Variants in CPA6 observed in about 807,000 individuals in gnomAD.
CPA6 encodes carboxypeptidase B.
CPA6 carries 58 observed loss-of-function variants against 63.3 expected under a neutral mutation model. That is an observed-to-expected ratio of 0.92 (90% CI 0.74 to 1.14). The LOEUF is 1.14. Among genes scored for constraint, CPA6 ranks in the 50% most tolerant of loss-of-function variants. The probability of loss-of-function intolerance (pLI) is 0.00; values close to 1 mark genes in which losing one functional copy is unlikely to be tolerated. For synonymous variants in CPA6, 185 were observed against 179.0 expected (o/e 1.03, Z -0.27); for missense variants, 565 against 526.6 (o/e 1.07, Z -0.71).
At position 67,484,697 on chromosome 8, in the gene CPA6, G is replaced by A; in HGVS notation, c.729C>T (p.Tyr243=). The A allele has an allele frequency of 1.3e-6, 2 of 1,586,164 alleles. No individual in the cohort carries two copies. The highest frequency in any genetic ancestry group is 1.7e-6 in the Non-Finnish European group (2 of 1,155,698). Reference sequence around the variant, plus strand: ...GACTTACATTGGTCCAACTAAAATGGTATCCATCGACGTTAAACACAGGCA... The same window carrying A: ...GACTTACATTGGTCCAACTAAAATGATATCCATCGACGTTAAACACAGGCA... ...YIMPVFNVDG[Y]HFSWTNDRFW... Residue 243 remains tyrosine, a synonymous_variant, in exon 7 of 11, where the codon TAC becomes TAT. Coordinates refer to ENST00000297770, the MANE Select transcript of CPA6 (RefSeq NM_020361.5).
At chr8:67,629,139 A>C (rs554224033) in intron 1 of CPA6, among the ~76,000 whole-genome samples, 28 of 150,344 alleles carry the variant, frequency 1.9e-4, no homozygotes, top group East Asian at 1.8e-3. Flanking sequence ...AAAAACCCCC[A>C]AAAAAACAAA....
At chr8:67,572,800 C>T (rs1813518471) in intron 2 of CPA6, among the ~76,000 whole-genome samples, 1 of 152,160 alleles carries the variant, frequency 6.6e-6, no homozygotes, top group African/African-American at 2.4e-5. Flanking sequence ...CAGCAATAAC[C>T]TGACACCAAG....
chr8:67,654,439 C>G (rs1300001061), intron 1 of CPA6, among the ~76,000 whole-genome samples: 1 of 152,162 alleles, frequency 6.6e-6, no homozygotes, highest in African/African-American at 2.4e-5. Context: ...TTGGTCTATT[C>G]AGAGATTCAA....
chr8:67,681,719 C>T (rs991452446), intron 1 of CPA6, among the ~76,000 whole-genome samples: 1 of 152,144 alleles, frequency 6.6e-6, no homozygotes, highest in African/African-American at 2.4e-5. Flanking sequence ...TGGCCATACA[C>T]GTGTGTTTCC....
intron 1 of CPA6, among the ~76,000 whole-genome samples, chr8:67,684,556 C>T (rs1368728312): frequency 6.6e-6 from 1 of 152,122 alleles, no homozygotes; most frequent in Non-Finnish European, 1.5e-5. Flanking sequence ...GACAATGAAA[C>T]AGAGCATGCG....
At chr8:67,656,796 C>T (rs1815996633) in intron 1 of CPA6, among the ~76,000 whole-genome samples, 2 of 152,086 alleles carry the variant, frequency 1.3e-5, no homozygotes, top group South Asian at 4.2e-4. Flanking sequence ...TAAGGATGGC[C>T]TTTGTGAGTT....
chr8:67,450,924 A>G (rs1253891884), intron 8 of CPA6, among the ~76,000 whole-genome samples: 1 of 152,234 alleles, frequency 6.6e-6, no homozygotes, highest in Non-Finnish European at 1.5e-5. Flanking sequence ...GTTTGGCGGC[A>G]GAAGGCTGTA....
intron 1 of CPA6, among the ~76,000 whole-genome samples, chr8:67,707,245 G>T (rs1331134294): frequency 6.6e-6 from 1 of 152,208 alleles, no homozygotes; most frequent in Non-Finnish European, 1.5e-5. Flanking sequence ...ATGGAGAGCT[G>T]AAACATTCAT....
At chr8:67,593,587 T>C (rs2128981534) in intron 2 of CPA6, among the ~76,000 whole-genome samples, 1 of 152,366 alleles carries the variant, frequency 6.6e-6, no homozygotes, top group South Asian at 2.1e-4. Context: ...GGTGCATATA[T>C]ATTTAGGATA....
At chr8:67,563,583 G>A (rs922842474) in intron 2 of CPA6, among the ~76,000 whole-genome samples, 9 of 152,138 alleles carry the variant, frequency 5.9e-5, no homozygotes, top group African/African-American at 2.2e-4. Flanking sequence ...AGTTTGGGTA[G>A]GGAGAAGGAA....
At chr8:67,588,435 A>T (rs1275021946) in intron 2 of CPA6, among the ~76,000 whole-genome samples, 2 of 152,180 alleles carry the variant, frequency 1.3e-5, no homozygotes, top group Non-Finnish European at 2.9e-5. Flanking sequence ...ATGTTTTTGC[A>T]TTTTGATTAT....
intron 9 of CPA6, among the ~76,000 whole-genome samples, chr8:67,429,068 G>A (rs1809959985): frequency 6.6e-6 from 1 of 152,116 alleles, no homozygotes; most frequent in Admixed American, 6.6e-5. Context: ...TTAATGCTAT[G>A]TGCTTATCCT....
intron 2 of CPA6, among the ~76,000 whole-genome samples, chr8:67,563,343 A>T (rs1813259688): frequency 6.6e-6 from 1 of 152,172 alleles, no homozygotes; most frequent in Admixed American, 6.5e-5. Flanking sequence ...CCTTCCTGGG[A>T]TTATCAGCGT....
Position 67,654,599 on chromosome 8 carries a change from TC to T in CPA6, c.117-30349del, listed in dbSNP as rs1336056601. ...GGGATCGGTGGTGATATCCCCTTTA[TC>T]ATTTTTTATTGTGTCTGTTTGATTC... On this transcript the variant is annotated intron_variant, in intron 1 of 10. Coordinates refer to ENST00000297770, the MANE Select transcript of CPA6 (RefSeq NM_020361.5). Among the ~76,000 whole-genome samples the T allele has an allele frequency of 2.0e-5, 3 of 152,190 alleles. No individual in the cohort carries two copies. The East Asian group carries it at 5.8e-4, about 29-fold the overall frequency.
intron 2 of CPA6, among the ~76,000 whole-genome samples, chr8:67,548,548 T>C (rs1302412784): frequency 6.6e-6 from 1 of 152,032 alleles, no homozygotes; most frequent in Non-Finnish European, 1.5e-5. Context: ...CTGTGCCCAG[T>C]AGAATATTAT....
At chr8:67,468,098 G>A (rs528612383) in intron 8 of CPA6, among the ~76,000 whole-genome samples, 1 of 151,864 alleles carries the variant, frequency 6.6e-6, no homozygotes, top group Non-Finnish European at 1.5e-5. Context: ...ATCTGTAAGG[G>A]CTCCCAATTA....
intron 5 of CPA6, 113 bp from the exon 6 acceptor site, chr8:67,507,001 G>T: frequency 1.4e-6 from 1 of 715,326 alleles, no homozygotes; most frequent in Non-Finnish European, 2.5e-6. Context: ...ATTAGGTAAT[G>T]CATAAAAAGG....
Position 67,441,762 on chromosome 8 carries a change from T to C in CPA6, c.839-7522A>G, listed in dbSNP as rs149431145. Among the ~76,000 whole-genome samples, 219 of 152,202 alleles carry C rather than the reference T, an allele frequency of 1.4e-3. 1 individual carries two copies. The East Asian group carries it at 0.031, about 22-fold the overall frequency. ...TAAATATACAAAAGTGAATTCTAAA[T>C]GGTTTAATGATTTAAATAACAAAAA... On this transcript the variant is annotated intron_variant, in intron 8 of 10. Coordinates refer to ENST00000297770, the MANE Select transcript of CPA6 (RefSeq NM_020361.5).
intron 2 of CPA6, among the ~76,000 whole-genome samples, chr8:67,523,048 T>C (rs759710445): frequency 2.0e-5 from 3 of 152,188 alleles, no homozygotes; most frequent in African/African-American, 7.2e-5. Flanking sequence ...GTGATTAGGG[T>C]GTGAATTCTA....
Sources: gnomAD v4.1 joint callset for allele counts (sites outside exome capture counted in the v4.1 genomes callset) on GRCh38, gnomAD v4.1.1 for gene constraint, MANE v1.5 for transcripts, NCBI Gene and HGNC (gene_info 2026-07-23, HGNC 2026-07-21) for gene names.